FTCDNL1: variants seen among roughly 807,000 people sequenced by gnomAD.
FTCDNL1 encodes formiminotransferase N-terminal subdomain-containing protein.
Under a neutral mutation model 5.9 loss-of-function variants are expected in FTCDNL1, and 11 were observed. The ratio of observed to expected loss-of-function variants is 1.87; its 90% confidence interval spans 1.18 to 3.10. The LOEUF is 3.10. FTCDNL1 is among the 30% of genes most tolerant of loss of function. The pLI is 0.00. For synonymous variants in FTCDNL1, 58 were observed against 24.8 expected (o/e 2.34, Z -3.99); for missense variants, 115 against 65.5 (o/e 1.76, Z -2.61).
At chr2:199,840,711 G>C (rs1465062809) in intron 3 of FTCDNL1, among the ~76,000 whole-genome samples, 1 of 152,082 alleles carries the variant, frequency 6.6e-6, no homozygotes, top group African/African-American at 2.4e-5. Context: ...GGTAAAGGGG[G>C]TTAGATAGGT....
chr2:199,834,267 C>A (rs1270418087), intron 3 of FTCDNL1, among the ~76,000 whole-genome samples: 1 of 152,112 alleles, frequency 6.6e-6, no homozygotes, highest in Non-Finnish European at 1.5e-5. Context: ...AGGAACCAAC[C>A]CTGCTGCCAC....
At chr2:199,794,082 T>TAG (rs1700061732) in intron 3 of FTCDNL1, among the ~76,000 whole-genome samples, 1 of 152,188 alleles carries the variant, frequency 6.6e-6, no homozygotes, top group Admixed American at 6.6e-5. Flanking sequence ...ACTCTAAATT[T>TAG]CATCATTGAA....
Position 199,841,509 on chromosome 2 carries a change from T to A in FTCDNL1, c.211+4566A>T, listed in dbSNP as rs79785418. Among the ~76,000 whole-genome samples, 284 of 152,194 alleles carry A rather than the reference T, an allele frequency of 1.9e-3. 5 individuals carry two copies. In the East Asian group the frequency reaches 0.049, roughly 26 times the overall value. On this transcript the variant is annotated intron_variant, in intron 3 of 4. Transcript: ENST00000420128. ...GAGCTCTAAACTGTATAACCAACCATCCCCTCAATATATTTATATCAAAAT... is the reference window on the plus strand; with the variant it reads ...GAGCTCTAAACTGTATAACCAACCAACCCCTCAATATATTTATATCAAAAT...
downstream of FTCDNL1, among the ~76,000 whole-genome samples, chr2:199,758,190 T>C (rs1173183469): frequency 2.0e-5 from 3 of 151,782 alleles, no homozygotes; most frequent in African/African-American, 7.3e-5. Context: ...AGGAGGGAAG[T>C]AATAACTACG....
At chr2:199,819,302 T>C in intron 4 of FTCDNL1, 1 of 415,916 alleles carries the variant, frequency 2.4e-6, no homozygotes, top group Non-Finnish European at 4.4e-6. Context: ...ACGAGCATTC[T>C]TTTCATCAGT....
rs544917119 is a variant in FTCDNL1 at position 199,798,055 on chromosome 2, T to C, written c.212-37220A>G. On this transcript the variant is annotated intron_variant, in intron 3 of 3. Coordinates refer to the FTCDNL1 transcript ENST00000416668. ...TCTTTATGAGGAATTGTGATGTCTC[T>C]ACCCTCTTTCCCCAGCCTCACACAT... Among the ~76,000 whole-genome samples the C allele has an allele frequency of 3.3e-5, 5 of 152,310 alleles. No homozygotes were observed. In the South Asian group the frequency reaches 1.0e-3, roughly 32 times the overall value.
intron 3 of FTCDNL1, among the ~76,000 whole-genome samples, chr2:199,782,424 C>T (rs1699412481): frequency 6.6e-6 from 1 of 152,182 alleles, no homozygotes; most frequent in African/African-American, 2.4e-5. Context: ...ATTTCCATCA[C>T]CCCACTATGT....
intron 3 of FTCDNL1, among the ~76,000 whole-genome samples, chr2:199,780,296 T>C (rs1263222298): frequency 6.6e-6 from 1 of 152,078 alleles, no homozygotes; most frequent in Admixed American, 6.6e-5. Flanking sequence ...ACAGAAGAAA[T>C]TGACCAAGGG....
chr2:199,771,617 A>G (rs1248979816), intron 3 of FTCDNL1, among the ~76,000 whole-genome samples: 3 of 152,228 alleles, frequency 2.0e-5, no homozygotes, highest in Admixed American at 6.5e-5. Flanking sequence ...GTAAATAGGA[A>G]AAGTATGTCA....
the FTCDNL1 span, among the ~76,000 whole-genome samples, chr2:199,722,837 A>G: frequency 0.2 from 30,984 of 151,898 alleles, 3,391 homozygotes; most frequent in Middle Eastern, 0.33. Flanking sequence ...GAGGTCCTTC[A>G]CTTCCCTTGT....
the FTCDNL1 span, among the ~76,000 whole-genome samples, chr2:199,740,578 G>T: frequency 6.6e-6 from 1 of 152,278 alleles, no homozygotes; most frequent in Admixed American, 6.5e-5. Context: ...AGCTTCGTGG[G>T]GTGAGCTGTG....
the FTCDNL1 span, among the ~76,000 whole-genome samples, chr2:199,663,970 T>C: frequency 6.6e-6 from 1 of 151,838 alleles, no homozygotes; most frequent in African/African-American, 2.4e-5. Context: ...CAAGTCCAAG[T>C]AACAGGATTC....
At chr2:199,668,575 G>A in the FTCDNL1 span, among the ~76,000 whole-genome samples, 1 of 152,118 alleles carries the variant, frequency 6.6e-6, no homozygotes, top group South Asian at 2.1e-4. Flanking sequence ...TCAGTTGACA[G>A]AGGAAGTAAG....
chr2:199,715,883 C>T, the FTCDNL1 span, among the ~76,000 whole-genome samples: 21 of 152,076 alleles, frequency 1.4e-4, no homozygotes, highest in African/African-American at 4.6e-4. Context: ...CAGATTAATC[C>T]TCAGATTAAT....
intron 3 of FTCDNL1, among the ~76,000 whole-genome samples, chr2:199,837,354 C>CA (rs1332501426): frequency 6.6e-6 from 1 of 152,226 alleles, no homozygotes; most frequent in Non-Finnish European, 1.5e-5. Flanking sequence ...TGTTTACACA[C>CA]ATTTGTAAAA....
At chr2:199,743,010 C>T in the FTCDNL1 span, among the ~76,000 whole-genome samples, 1 of 152,202 alleles carries the variant, frequency 6.6e-6, no homozygotes, top group Admixed American at 6.5e-5. Context: ...AATGAAGCAG[C>T]CTTCAGGGGT....
chr2:199,793,507 G>T (rs1700031286), intron 3 of FTCDNL1, among the ~76,000 whole-genome samples: 1 of 151,172 alleles, frequency 6.6e-6, no homozygotes, highest in Non-Finnish European at 1.5e-5. Context: ...GTTTGGTGCA[G>T]TCCGTTTATA....
intron 3 of FTCDNL1, among the ~76,000 whole-genome samples, chr2:199,765,241 G>GACATGTTATC (rs1313259111): frequency 3.3e-5 from 5 of 151,892 alleles, no homozygotes; most frequent in Admixed American, 3.3e-4. Context: ...GAATGTTAAC[G>GACATGTTATC]ATGAACTTGA....
At chr2:199,777,122 G>A (rs1038673881) in intron 3 of FTCDNL1, among the ~76,000 whole-genome samples, 12 of 151,638 alleles carry the variant, frequency 7.9e-5, no homozygotes, top group African/African-American at 2.7e-4. Flanking sequence ...GCGAAACCCC[G>A]TCTCCACTAA....
Sources: allele counts gnomAD v4.1 joint callset (sites outside exome capture counted in the v4.1 genomes callset), GRCh38; gene constraint gnomAD v4.1.1; transcripts MANE v1.5; gene names NCBI Gene and HGNC (gene_info 2026-07-23, HGNC 2026-07-21).